PCDH9: variants seen among roughly 807,000 people sequenced by gnomAD.
The protein encoded by PCDH9 is protocadherin-9.
Under a neutral mutation model 70.6 loss-of-function variants are expected in PCDH9, and 24 were observed. The ratio of observed to expected loss-of-function variants is 0.34; its 90% confidence interval spans 0.25 to 0.48. PCDH9 has a LOEUF of 0.48. Among genes scored for constraint, PCDH9 ranks in the 20% least tolerant of loss-of-function variants. The pLI is 0.99. For missense variants in PCDH9, 1,281 were observed against 1,503.6 expected, an observed-to-expected ratio of 0.85 and a Z score of 2.45; for synonymous variants, 562 against 558.5, an observed-to-expected ratio of 1.01 and a Z score of -0.09.
At chr13:67,078,970 G>A (rs1224634919) in intron 2 of PCDH9, among the ~76,000 whole-genome samples, 2 of 152,104 alleles carry the variant, frequency 1.3e-5, no homozygotes, top group Non-Finnish European at 2.9e-5. Context: ...GAAAATGGCA[G>A]TTTATAGTCA....
intron 2 of PCDH9, among the ~76,000 whole-genome samples, chr13:67,171,347 T>C (rs1455637554): frequency 1.3e-5 from 2 of 152,164 alleles, no homozygotes; most frequent in Non-Finnish European, 2.9e-5. Flanking sequence ...CAGGGTGGCA[T>C]TGGAGGTCTA....
At chr13:66,368,049 TA>T (rs1448935908) in intron 4 of PCDH9, among the ~76,000 whole-genome samples, 1 of 151,918 alleles carries the variant, frequency 6.6e-6, no homozygotes, top group African/African-American at 2.4e-5. Context: ...AGGACTTTGA[TA>T]AAAAAATGTA....
chr13:66,398,082 T>C lies in PCDH9; in HGVS notation c.3341-93054A>G, dbSNP rs1957133599. On this transcript the variant is annotated intron_variant, in intron 4 of 4. Coordinates refer to ENST00000377865, the MANE Select transcript of PCDH9 (RefSeq NM_203487.3). ...CATAGAACAATAAAATTCCAAAGGGTTATATGACTTGTCCAATATTATATA... is the reference window on the plus strand; with the variant it reads ...CATAGAACAATAAAATTCCAAAGGGCTATATGACTTGTCCAATATTATATA... Among the ~76,000 whole-genome samples, 9 of 152,096 alleles carry C rather than the reference T, an allele frequency of 5.9e-5. No homozygotes were observed. In the South Asian group the frequency reaches 1.9e-3, roughly 32 times the overall value.
chr13:66,639,821 T>C (rs537588055), intron 3 of PCDH9, among the ~76,000 whole-genome samples: 1 of 152,334 alleles, frequency 6.6e-6, no homozygotes, highest in South Asian at 2.1e-4. Context: ...TATTCTTGTT[T>C]ATTAGTTCCT....
intron 2 of PCDH9, among the ~76,000 whole-genome samples, chr13:67,108,436 T>C (rs945052533): frequency 6.6e-6 from 1 of 152,188 alleles, no homozygotes; most frequent in Non-Finnish European, 1.5e-5. Context: ...ATTGTGACAG[T>C]TAATGGGAAT....
chr13:67,067,256 A>G (rs2085666101), intron 2 of PCDH9, among the ~76,000 whole-genome samples: 2 of 152,220 alleles, frequency 1.3e-5, no homozygotes, highest in Admixed American at 6.5e-5. Flanking sequence ...AGTAAGAAGT[A>G]TGTATGCCAC....
chr13:67,160,951 G>C (rs1305363732), intron 2 of PCDH9, among the ~76,000 whole-genome samples: 2 of 152,220 alleles, frequency 1.3e-5, no homozygotes, highest in African/African-American at 4.8e-5. Context: ...TGAAATGCAA[G>C]TAGCATGGGG....
intron 3 of PCDH9, among the ~76,000 whole-genome samples, chr13:66,883,860 T>G (rs2081962621): frequency 6.6e-6 from 1 of 151,796 alleles, no homozygotes; most frequent in African/African-American, 2.4e-5. Context: ...CCTTCATTTC[T>G]AACCTGTTGT....
At chr13:66,509,677 T>C (rs1345064960) in intron 4 of PCDH9, among the ~76,000 whole-genome samples, 6 of 152,160 alleles carry the variant, frequency 3.9e-5, no homozygotes, top group Non-Finnish European at 8.8e-5. Context: ...TGTCTCAAAC[T>C]CCTGGGCTCA....
intron 3 of PCDH9, among the ~76,000 whole-genome samples, chr13:66,708,096 C>A (rs1384845336): frequency 6.6e-6 from 1 of 151,694 alleles, no homozygotes. Context: ...GTCGCCCAGG[C>A]TGGAGTGCAG....
intron 2 of PCDH9, chr13:67,201,350 T>C (rs2089207187): frequency 6.6e-6 from 1 of 152,090 alleles, no homozygotes; most frequent in South Asian, 2.1e-4. Flanking sequence ...AAATACTTTA[T>C]ATATTCATTA....
intron 2 of PCDH9, among the ~76,000 whole-genome samples, chr13:67,177,651 G>T (rs1028242566): frequency 2.0e-5 from 3 of 151,944 alleles, no homozygotes; most frequent in African/African-American, 7.2e-5. Flanking sequence ...CCCCTATGTT[G>T]TTGTCTCTCT....
At chr13:66,545,813 A>AT (rs962068279) in intron 4 of PCDH9, among the ~76,000 whole-genome samples, 10 of 144,698 alleles carry the variant, frequency 6.9e-5, no homozygotes, top group African/African-American at 2.5e-4. Flanking sequence ...ATTTTACTTT[A>AT]TTTTATTTTA....
intron 3 of PCDH9, among the ~76,000 whole-genome samples, chr13:66,873,940 CTTT>C (rs528441546): frequency 9.0e-6 from 1 of 111,128 alleles, no homozygotes. Context: ...TTCTTTCTTT[CTTT>C]TTTTTTTTTT....
At chr13:67,130,428 A>G (rs908161929) in intron 2 of PCDH9, among the ~76,000 whole-genome samples, 3 of 152,050 alleles carry the variant, frequency 2.0e-5, no homozygotes, top group African/African-American at 7.2e-5. Flanking sequence ...AACTTAATAG[A>G]TCTAAAATCT....
chr13:66,639,373 G>T (rs2077680373), intron 3 of PCDH9, among the ~76,000 whole-genome samples: 1 of 152,132 alleles, frequency 6.6e-6, no homozygotes, highest in African/African-American at 2.4e-5. Context: ...TCAAACTAAG[G>T]ATCTGTATTT....
intron 3 of PCDH9, among the ~76,000 whole-genome samples, chr13:66,784,513 G>A (rs544191711): frequency 1.6e-4 from 24 of 152,222 alleles, no homozygotes; most frequent in African/African-American, 5.3e-4. Context: ...CTTAGTTTAC[G>A]TTTAGGTAAA....
intron 2 of PCDH9, among the ~76,000 whole-genome samples, chr13:67,152,488 G>A (rs2087687787): frequency 6.6e-6 from 1 of 152,272 alleles, no homozygotes; most frequent in East Asian, 1.9e-4. Flanking sequence ...GTTAAAATCA[G>A]CATATCTTTG....
At chr13:66,605,511 G>C (rs775416213) in intron 4 of PCDH9, among the ~76,000 whole-genome samples, 1 of 152,102 alleles carries the variant, frequency 6.6e-6, no homozygotes, top group African/African-American at 2.4e-5. Flanking sequence ...GCACTTACAA[G>C]TATTGAACTG....
Sources: allele counts gnomAD v4.1 joint callset (sites outside exome capture counted in the v4.1 genomes callset), GRCh38; gene constraint gnomAD v4.1.1; transcripts MANE v1.5; gene names NCBI Gene and HGNC (gene_info 2026-07-23, HGNC 2026-07-21).